Variants in ANKRD18B observed in about 807,000 individuals in gnomAD.
ANKRD18B encodes ankyrin repeat domain-containing protein 18B.
A neutral mutation model predicts 111.8 loss-of-function variants in ANKRD18B; 75 were observed. The observed-to-expected ratio is 0.67, with a 90% CI of 0.56 to 0.81. The LOEUF is 0.81. Among genes scored for constraint, ANKRD18B ranks in the 40% least tolerant of loss-of-function variants. The pLI, the probability that ANKRD18B is intolerant of heterozygous loss-of-function variation, is 0.00. For missense variants in ANKRD18B, 1,038 were observed against 1,225.5 expected (o/e 0.85, Z 2.28); for synonymous variants, 356 against 417.3 (o/e 0.85, Z 1.79).
At position 33,541,135 on chromosome 9, in the gene ANKRD18B, C is replaced by G; in HGVS notation, c.998-12C>G. 1.2e-5 allele frequency: 19 copies of G among 1,536,112 alleles called. No individual in the cohort carries two copies. The highest frequency in any genetic ancestry group is 1.7e-5 in the Non-Finnish European group (19 of 1,142,986). On this transcript the variant is annotated splice_polypyrimidine_tract_variant and intron_variant, in intron 8 of 18. Coordinates refer to ENST00000684830, the MANE Select transcript of ANKRD18B (RefSeq NM_001393611.1). ...CCAGAAGGAATATCTAACAAGTTTG[C>G]GTGTTTGACAGAAACAGCAGCTATG...
At chr9:33,542,533 C>G (rs1226399595) in intron 9 of ANKRD18B, among the ~76,000 whole-genome samples, 2 of 152,046 alleles carry the variant, frequency 1.3e-5, no homozygotes, top group African/African-American at 4.8e-5. Flanking sequence ...TAGGCACAGA[C>G]CACTATGCCT....
intron 6 of ANKRD18B, among the ~76,000 whole-genome samples, chr9:33,537,455 CTGAAAA>C (rs1257526338): frequency 6.6e-6 from 1 of 152,056 alleles, no homozygotes; most frequent in Non-Finnish European, 1.5e-5. Context: ...ACCGTATTGT[CTGAAAA>C]AATTCATTTA....
intron 9 of ANKRD18B, among the ~76,000 whole-genome samples, chr9:33,542,234 T>C (rs1319701911): frequency 1.3e-5 from 2 of 149,904 alleles, no homozygotes; most frequent in Non-Finnish European, 3.0e-5. Flanking sequence ...TGCAAAGACC[T>C]GATGTGCAGC....
Position 33,547,931 on chromosome 9 carries a change from T to C in ANKRD18B, c.1150-7T>C, listed in dbSNP as rs1228595362. The C allele has an allele frequency of 2.8e-6, 4 of 1,408,356 alleles. No individual in the cohort carries two copies. The highest frequency in any genetic ancestry group is 2.8e-6 in the Non-Finnish European group (3 of 1,078,140). 87.2% of individuals were successfully genotyped at this position (1,408,356 alleles called of 1,614,324 possible). A position where few individuals can be genotyped will look rare whatever the true frequency, so the allele number is the denominator to read the frequency against. ...TGCTAACTAAAAATTTGTTTTGTTT[T>C]ATTTAGGATTCTCAAAGTTATGGAA... On this transcript the variant is annotated splice_region_variant and splice_polypyrimidine_tract_variant and intron_variant, in intron 10 of 18. Coordinates refer to ENST00000684830, the MANE Select transcript of ANKRD18B (RefSeq NM_001393611.1).
Position 33,568,854 on chromosome 9 carries a change from C to T in ANKRD18B, c.3138C>T (p.Asn1046=). ...PKMAIRIPTS[N]PQTSNNCKNS... ...TGGCCATAAGAATTCCTACTTCAAA[C>T]CCACAGACTTCAAATAACTGCAAGA... Residue 1046 remains asparagine, a synonymous_variant, in exon 17 of 19, where the codon AAC becomes AAT. Transcript: ENST00000684830. 2 of 1,551,268 alleles carry T rather than the reference C, an allele frequency of 1.3e-6. No homozygotes were observed. Among genetic ancestry groups the T allele is most frequent in the Non-Finnish European group, 1.7e-6 (2 of 1,146,710 alleles).
intron 12 of ANKRD18B, among the ~76,000 whole-genome samples, chr9:33,553,601 G>C (rs62556632): frequency 2.0e-5 from 3 of 152,062 alleles, no homozygotes; most frequent in East Asian, 1.9e-4. Flanking sequence ...GAAGAATCTC[G>C]ATCAGGAAGA....
At position 33,528,743 on chromosome 9, in the gene ANKRD18B, G is replaced by A. The variant is rs1432924014; in HGVS notation, c.223G>A (p.Ala75Thr). The A allele has an allele frequency of 4.3e-6, 7 of 1,612,242 alleles. No individual in the cohort carries two copies. In the South Asian group the frequency reaches 6.6e-5, roughly 15 times the overall value. The change falls in exon 2 of 19, where the codon GCC becomes ACC. Residue 75 changes from alanine (A) to threonine (T), a missense_variant. By Grantham distance (58) the Ala-to-Thr change is moderately conservative. This residue lies in a region of ANKRD18B where 216 missense variants were observed against 205.1 expected (regional missense o/e 1.05). Transcript: ENST00000684830. ...CTCTCCTAGGACTGTTCTACATTTGGCCTGTGCCCATGGCCGTGTGCAAGT... is the reference window on the plus strand; with the variant it reads ...CTCTCCTAGGACTGTTCTACATTTGACCTGTGCCCATGGCCGTGTGCAAGT... ...DRKDRTVLHL[A>T]CAHGRVQVVT...
intron 17 of ANKRD18B, among the ~76,000 whole-genome samples, chr9:33,570,234 G>A (rs1828749595): frequency 6.6e-6 from 1 of 152,108 alleles, no homozygotes; most frequent in South Asian, 2.1e-4. Flanking sequence ...CTCATATGTG[G>A]GAGCTACACA....
chr9:33,543,843 A>G (rs922583181), intron 10 of ANKRD18B, among the ~76,000 whole-genome samples: 1 of 152,178 alleles, frequency 6.6e-6, no homozygotes, highest in African/African-American at 2.4e-5. Context: ...TTCTTGTTTT[A>G]ACATAAGTAG....
intron 1 of ANKRD18B, among the ~76,000 whole-genome samples, chr9:33,528,150 A>C (rs1236029460): frequency 2.6e-5 from 4 of 152,122 alleles, no homozygotes. Context: ...AAAATTTAAA[A>C]ATTAGCTGAT....
chr9:33,535,478 G>A (rs1205112699), intron 5 of ANKRD18B, among the ~76,000 whole-genome samples: 2 of 151,390 alleles, frequency 1.3e-5, no homozygotes, highest in Non-Finnish European at 2.9e-5. Flanking sequence ...TAGTAGAGAC[G>A]GGGTTTCACC....
In ANKRD18B at chr9:33,572,346, T is replaced by A. The variant is rs1828793180; in HGVS notation, c.3254T>A (p.Leu1085Gln). 6.2e-7 allele frequency: 1 copy of A among 1,611,852 alleles called. No homozygotes were observed. Among genetic ancestry groups the A allele is most frequent in the Non-Finnish European group, 8.5e-7 (1 of 1,178,960 alleles). Reference protein sequence around the residue: ...TFAALGPCSYLLSSLESTGKP... With the variant: ...TFAALGPCSYQLSSLESTGKP... The stretch of plus-strand genomic sequence containing the variant: ...GCTGCGTTGGGCCCTTGCTCCTATC[T>A]ACTTTCTTCTCTAGAATCCACTGGT... Residue 1085 changes from leucine (L) to glutamine (Q), a missense_variant, in exon 19 of 19, where the codon CTA (leucine) becomes CAA (glutamine). Transcript: ENST00000684830.
In ANKRD18B at chr9:33,541,142, G is replaced by C; in HGVS notation, c.998-5G>C. The stretch of plus-strand genomic sequence containing the variant: ...GAATATCTAACAAGTTTGCGTGTTT[G>C]ACAGAAACAGCAGCTATGAAGCCTG... On this transcript the variant is annotated splice_region_variant and splice_polypyrimidine_tract_variant and intron_variant, in intron 8 of 18. Transcript: ENST00000684830. 3.3e-6 allele frequency: 5 copies of C among 1,538,244 alleles called. No individual in the cohort carries two copies. Among genetic ancestry groups the C allele is most frequent in the Non-Finnish European group, 4.4e-6 (5 of 1,143,630 alleles).
At chr9:33,540,729 C>T (rs1427285331) in intron 8 of ANKRD18B, among the ~76,000 whole-genome samples, 9 of 152,036 alleles carry the variant, frequency 5.9e-5, no homozygotes, top group Admixed American at 2.6e-4. Flanking sequence ...TTTTCAAGAA[C>T]GATTTAAGCA....
intron 6 of ANKRD18B, among the ~76,000 whole-genome samples, chr9:33,538,006 G>A (rs1044921550): frequency 6.6e-6 from 1 of 152,156 alleles, no homozygotes; most frequent in Non-Finnish European, 1.5e-5. Context: ...TGGTTTTGCT[G>A]TCTCTGGGTT....
chr9:33,571,181 AT>A (rs1828770161), intron 17 of ANKRD18B, 64 bp from the exon 18 acceptor site: 1 of 666,538 alleles, frequency 1.5e-6, no homozygotes, highest in Non-Finnish European at 1.9e-6. Flanking sequence ...TAATATGTTA[AT>A]CTCATGATAA....
intron 12 of ANKRD18B, among the ~76,000 whole-genome samples, chr9:33,553,406 T>G (rs768733133): frequency 6.6e-6 from 1 of 152,142 alleles, no homozygotes; most frequent in Non-Finnish European, 1.5e-5. Context: ...TAGAATTGAG[T>G]TAGACATCAG....
intron 17 of ANKRD18B, among the ~76,000 whole-genome samples, chr9:33,569,621 A>G (rs1177518165): frequency 6.6e-6 from 1 of 152,170 alleles, no homozygotes; most frequent in Non-Finnish European, 1.5e-5. Flanking sequence ...TCACAAGCGA[A>G]TGACAGGCAA....
intron 7 of ANKRD18B, 130 bp from the exon 8 acceptor site, chr9:33,539,948 A>G (rs1465624015): frequency 6.7e-6 from 1 of 150,076 alleles, no homozygotes; most frequent in Non-Finnish European, 1.5e-5. Flanking sequence ...TCCAAACACC[A>G]TGTTCTCACA....
Sources: allele counts gnomAD v4.1 joint callset (sites outside exome capture counted in the v4.1 genomes callset), GRCh38; gene constraint gnomAD v4.1.1; regional missense constraint gnomAD v4.1.1; transcripts MANE v1.5; gene names NCBI Gene and HGNC (gene_info 2026-07-23, HGNC 2026-07-21).